Variants in TMPRSS2 observed in about 807,000 individuals in gnomAD.
TMPRSS2 encodes the protein transmembrane protease serine 2.
TMPRSS2 carries 59 observed loss-of-function variants against 67.4 expected under a neutral mutation model. The ratio of observed to expected loss-of-function variants is 0.88; its 90% CI spans 0.71 to 1.09. The LOEUF (loss-of-function observed/expected upper bound fraction) is 1.09, where lower values mean the gene tolerates loss of function less well. TMPRSS2 is among the 50% of genes least tolerant of loss of function. The pLI, the probability that TMPRSS2 is intolerant of heterozygous loss-of-function variation, is 0.00. For missense variants in TMPRSS2, 668 were observed against 642.7 expected, an observed-to-expected ratio of 1.04 and a Z score of -0.43; for synonymous variants, 257 against 257.0, an observed-to-expected ratio of 1.00 and a Z score of 0.00.
At chr21:41,473,901 G>A (rs2091158385) in intron 8 of TMPRSS2, among the ~76,000 whole-genome samples, 1 of 118,854 alleles carries the variant, frequency 8.4e-6, no homozygotes, top group African/African-American at 3.4e-5. Context: ...GGAGGTGAGT[G>A]AGAAGGTGAA....
At chr21:41,486,944 G>T (rs2091302774) in intron 5 of TMPRSS2, 1 of 152,174 alleles carries the variant, frequency 6.6e-6, no homozygotes, top group Admixed American at 6.5e-5. Flanking sequence ...GGGTGGGAGT[G>T]GAAGTTGCTA....
At chr21:41,481,540 T>C (rs183405398) in intron 5 of TMPRSS2, among the ~76,000 whole-genome samples, 2 of 152,180 alleles carry the variant, frequency 1.3e-5, no homozygotes, top group African/African-American at 2.4e-5. Flanking sequence ...GATGAAAATA[T>C]GCTAAAATTG....
chr21:41,494,134 G>A (rs954130879), intron 3 of TMPRSS2, among the ~76,000 whole-genome samples: 1 of 152,220 alleles, frequency 6.6e-6, no homozygotes, highest in Non-Finnish European at 1.5e-5. Context: ...GAAGAGGGAG[G>A]TATCTGCAGG....
Position 41,470,676 on chromosome 21 carries a change from A to G in TMPRSS2, c.1143T>C (p.Ile381=), listed in dbSNP as rs749014829. The change falls in exon 11 of 14, where the codon ATT becomes ATC. Residue 381 remains isoleucine (I), a synonymous_variant. Transcript: ENST00000332149. The part of the protein sequence containing the change: ...MMLQPEQLCW[I]SGWGATEEKG... ...TCTCCTCGGTGGCCCCCCACCCGGAAATCCAGCAGAGCTGTTCTGGCTGCA... is the reference window on the plus strand; with the variant it reads ...TCTCCTCGGTGGCCCCCCACCCGGAGATCCAGCAGAGCTGTTCTGGCTGCA... The G allele has an allele frequency of 6.2e-6, 10 of 1,613,502 alleles. No individual in the cohort carries two copies. Among genetic ancestry groups the G allele is most frequent in the Non-Finnish European group, 8.5e-6 (10 of 1,179,988 alleles).
Position 41,471,905 on chromosome 21 carries a change from ATCCGGC to A in TMPRSS2, c.970_975del (p.Ala324_Gly325del). ...TGAGAAATCACTTTTTCTACTTGGT[ATCCGGC>A]TCCATAGAACATGAAAGATTGTCTC... On this transcript the variant is annotated inframe_deletion, in exon 10 of 14. Transcript: ENST00000332149. 1 of 1,613,572 alleles carries A rather than the reference ATCCGGC, an allele frequency of 6.2e-7. No homozygotes were observed. Among genetic ancestry groups the A allele is most frequent in the Non-Finnish European group, 8.5e-7 (1 of 1,179,876 alleles).
In TMPRSS2 at chr21:41,473,352, A is replaced by G. The variant is rs1375015400; in HGVS notation, c.872T>C (p.Ile291Thr). 1.9e-6 allele frequency: 3 copies of G among 1,606,702 alleles called. No individual in the cohort carries two copies. Among genetic ancestry groups the G allele is most frequent in the African/African-American group, 1.3e-5 (1 of 74,790 alleles). Reference sequence around the variant, plus strand: ...TTCCACGCAGTGGGCGGCTGTCACGATCCACTCGGGGGTGATGATGGAGCC... The same window carrying G: ...TTCCACGCAGTGGGCGGCTGTCACGGTCCACTCGGGGGTGATGATGGAGCC... Reference protein sequence around the residue: ...CGGSIITPEWIVTAAHCVEKP... With the variant: ...CGGSIITPEWTVTAAHCVEKP... Residue 291 changes from isoleucine to threonine, a missense_variant, in exon 9 of 14, where the codon ATC (isoleucine) becomes ACC (threonine). Coordinates refer to ENST00000332149, the MANE Select transcript of TMPRSS2 (RefSeq NM_005656.4).
At chr21:41,476,732 A>G in intron 7 of TMPRSS2, 112 bp from the exon 8 acceptor site, 1 of 961,964 alleles carries the variant, frequency 1.0e-6, no homozygotes, top group South Asian at 1.3e-5. Context: ...CTTCTGAGAC[A>G]TAGAAGGGTC....
Position 41,464,450 on chromosome 21 carries a change from G to A in TMPRSS2, c.*1692C>T, listed in dbSNP as rs1284898091. The A allele has an allele frequency of 5.3e-6, 1 of 190,132 alleles. No individual in the cohort carries two copies. The highest frequency in any genetic ancestry group is 8.3e-5 in the East Asian group (1 of 12,000). The allele number at this position is 190,132 out of a possible 1,614,324, so 11.8% of individuals were successfully genotyped here. Reference sequence around the variant, plus strand: ...CCACAGGAGCACCAAGTCTGGCCTTGCCTCACCTTTGGTCCTCTGACCAGC... The same window carrying A: ...CCACAGGAGCACCAAGTCTGGCCTTACCTCACCTTTGGTCCTCTGACCAGC... On this transcript the variant is annotated 3_prime_UTR_variant, in exon 14 of 14. Transcript: ENST00000332149.
rs77511690 is a variant in TMPRSS2, at chr21:41,473,813, G to A, written c.728-317C>T. ...GTCTTGGAGGGACTGACACCACTCA[G>A]GGACCCCAGATTCTCACACAAAGAA... On this transcript the variant is annotated intron_variant, in intron 8 of 13. Transcript: ENST00000332149. Among the ~76,000 whole-genome samples the A allele has an allele frequency of 7.7e-3, 1,157 of 149,800 alleles. 16 individuals are homozygous for A. Among genetic ancestry groups the A allele is most frequent in the African/African-American group, 0.027 (1,107 of 40,456 alleles).
At chr21:41,482,800 T>C (rs989230074) in intron 5 of TMPRSS2, among the ~76,000 whole-genome samples, 2 of 152,196 alleles carry the variant, frequency 1.3e-5, no homozygotes, top group African/African-American at 2.4e-5. Context: ...TGGAGGAAAC[T>C]TGAATGCATA....
At chr21:41,473,034 G>A (rs1030242011) in intron 9 of TMPRSS2, among the ~76,000 whole-genome samples, 5 of 152,176 alleles carry the variant, frequency 3.3e-5, no homozygotes, top group African/African-American at 1.2e-4. Context: ...CTCAAGGGCA[G>A]GACAGAGCTC....
chr21:41,482,585 C>A (rs2091264574), intron 5 of TMPRSS2, among the ~76,000 whole-genome samples: 1 of 152,236 alleles, frequency 6.6e-6, no homozygotes, highest in African/African-American at 2.4e-5. Flanking sequence ...CCCTGACTCA[C>A]TGGACAGTCT....
At chr21:41,467,910 A>C (rs2091098000) in intron 12 of TMPRSS2, 24 bp from the exon 13 acceptor site, 1 of 1,613,766 alleles carries the variant, frequency 6.2e-7, no homozygotes, top group Admixed American at 1.7e-5. Context: ...CAAGGTACAG[A>C]GAGCAGAAAA....
rs565720190 is a variant in TMPRSS2 at position 41,477,775 on chromosome 21, G to A, written c.684-1155C>T. On this transcript the variant is annotated intron_variant, in intron 7 of 13. Transcript: ENST00000332149. ...AGGGATAGCCCTGTGTGGTCACAGC[G>A]CCAGGGCACATGTGGTTATTCACAG... 7.2e-5 allele frequency among the ~76,000 whole-genome samples: 11 copies of A among 152,008 alleles called. No individual in the cohort carries two copies. In the South Asian group the frequency reaches 2.1e-3, roughly 29 times the overall value.
intron 2 of TMPRSS2, among the ~76,000 whole-genome samples, chr21:41,495,024 T>A (rs1457284794): frequency 1.4e-5 from 2 of 148,076 alleles, no homozygotes; most frequent in Non-Finnish European, 3.0e-5. Context: ...AGCTGAGATC[T>A]CACCACTGTA....
intron 11 of TMPRSS2, chr21:41,468,883 C>T (rs1257858889): frequency 4.0e-6 from 1 of 249,612 alleles, no homozygotes; most frequent in Admixed American, 4.7e-5. Flanking sequence ...CACTGAACCC[C>T]ACCCAGGACA....
At chr21:41,488,728 C>T (rs139305247) in intron 4 of TMPRSS2, among the ~76,000 whole-genome samples, 2,554 of 152,286 alleles carry the variant, frequency 0.017, 55 homozygotes, top group Admixed American at 0.026. Flanking sequence ...ACCTCCAACT[C>T]CTGGGTTCAA....
At chr21:41,488,243 C>T in intron 5 of TMPRSS2, 151 bp downstream of exon 5, 4 of 940,004 alleles carry the variant, frequency 4.3e-6, no homozygotes, top group Non-Finnish European at 6.1e-6. Context: ...CCTCTCTGAG[C>T]CCCAGGGCTC....
At chr21:41,489,343 A>G (rs1490031103) in intron 4 of TMPRSS2, among the ~76,000 whole-genome samples, 164 bp downstream of exon 4, 2 of 152,210 alleles carry the variant, frequency 1.3e-5, no homozygotes, top group Non-Finnish European at 2.9e-5. Context: ...TGATGTGTCA[A>G]TCTCATAGCT....
Sources: gnomAD v4.1 joint callset for allele counts (sites outside exome capture counted in the v4.1 genomes callset) on GRCh38, gnomAD v4.1.1 for gene constraint, MANE v1.5 for transcripts, NCBI Gene and HGNC (gene_info 2026-07-23, HGNC 2026-07-21) for gene names.